SAMD12: variants seen among roughly 807,000 people sequenced by gnomAD.
SAMD12 encodes sterile alpha motif domain-containing protein 12.
A neutral mutation model predicts 15.0 loss-of-function variants in SAMD12; 9 were observed. The ratio of observed to expected loss-of-function variants is 0.60; its 90% CI spans 0.36 to 1.05. The LOEUF (loss-of-function observed/expected upper bound fraction) is 1.05, where lower values mean the gene tolerates loss of function less well. SAMD12 is among the 50% of genes least tolerant of loss of function. The probability of loss-of-function intolerance (pLI) is 0.01; values close to 1 mark genes in which losing one functional copy is unlikely to be tolerated. For synonymous variants in SAMD12, 86 were observed against 90.1 expected (o/e 0.96, Z 0.25); for missense variants, 230 against 234.2 (o/e 0.98, Z 0.12).
chr8:118,580,610 C>T (rs1298153216), intron 2 of SAMD12, 105 bp downstream of exon 2: 1 of 745,822 alleles, frequency 1.3e-6, no homozygotes, highest in Non-Finnish European at 2.3e-6. Flanking sequence ...ACCACAGATA[C>T]AATGGTAATT....
chr8:118,161,708 ATT>A, the SAMD12 span, among the ~76,000 whole-genome samples: 1 of 66,786 alleles, frequency 1.5e-5, no homozygotes, highest in South Asian at 3.5e-4. Flanking sequence ...ATAATAAATT[ATT>A]TATTATTATT....
At chr8:118,177,737 A>G in the SAMD12 span, among the ~76,000 whole-genome samples, 790 of 103,110 alleles carry the variant, frequency 7.7e-3, 8 homozygotes, top group Middle Eastern at 0.09. Context: ...AACATAAAAT[A>G]AAAAAACAAC....
At chr8:118,323,673 G>A (rs11779450) in intron 4 of SAMD12, among the ~76,000 whole-genome samples, 14,027 of 152,182 alleles carry the variant, frequency 0.092, 844 homozygotes, top group Non-Finnish European at 0.12. Context: ...AGAGGCTGAG[G>A]TGGGAGGATC....
At position 118,621,885 on chromosome 8, in the gene SAMD12, C is replaced by A; in HGVS notation, c.-69G>T. On this transcript the variant is annotated 5_prime_UTR_variant, in exon 1 of 4. Transcript: ENST00000314727. ...GGTACTCCTCCTGCCCCGCGCTCCCCCCTTCCTCTCGCTTTCGCCTAAATA... is the reference window on the plus strand; with the variant it reads ...GGTACTCCTCCTGCCCCGCGCTCCCACCTTCCTCTCGCTTTCGCCTAAATA... The A allele has an allele frequency of 1.3e-6, 2 of 1,533,380 alleles. No individual in the cohort carries two copies. The highest frequency in any genetic ancestry group is 1.8e-6 in the Non-Finnish European group (2 of 1,106,446). The allele number at this position is 1,533,380 out of a possible 1,614,324, so 95.0% of individuals were successfully genotyped here.
rs747771378 is a variant in SAMD12, at chr8:118,379,522, C to T, written c.501G>A (p.Glu167=). The T allele has an allele frequency of 1.2e-6, 2 of 1,613,880 alleles. No individual in the cohort carries two copies. Among genetic ancestry groups the T allele is most frequent in the Non-Finnish European group, 1.7e-6 (2 of 1,179,826 alleles). Residue 167 remains glutamate (E), a synonymous_variant, in exon 4 of 4, where the codon GAG becomes GAA. Coordinates refer to ENST00000314727, the MANE Select transcript of SAMD12 (RefSeq NM_207506.3). ...LLLPDGWMDG[E]IRRKTTLLLG... is the part of the protein sequence containing the mutation. The stretch of plus-strand genomic sequence containing the variant: ...ATAGTAAGGTGGTCTTTCTTCTAAT[C>T]TCCCCATCCATCCACCCATCAGGAA...
intron 3 of SAMD12, among the ~76,000 whole-genome samples, chr8:118,393,218 C>A (rs1186640822): frequency 2.8e-5 from 2 of 72,424 alleles, no homozygotes; most frequent in Non-Finnish European, 5.7e-5. Context: ...ACAAGGATTT[C>A]TTTTCTCTTT....
intron 3 of SAMD12, among the ~76,000 whole-genome samples, chr8:118,383,648 A>G (rs368620747): frequency 3.9e-5 from 6 of 152,236 alleles, no homozygotes; most frequent in African/African-American, 9.6e-5. Context: ...AACAAGAAGC[A>G]CCAACTGAAT....
the SAMD12 span, among the ~76,000 whole-genome samples, chr8:118,143,088 T>C: frequency 2.6e-5 from 4 of 152,174 alleles, no homozygotes; most frequent in African/African-American, 9.7e-5. Context: ...AACACAACTT[T>C]TTTTTTAAAG....
chr8:118,318,310 GTATATATATA>G (rs55959055), intron 4 of SAMD12, among the ~76,000 whole-genome samples: 5,268 of 113,004 alleles, frequency 0.047, 218 homozygotes, highest in East Asian at 0.19. Context: ...AGATATATGT[GTATATATATA>G]TATATATATA....
At chr8:118,275,077 G>C (rs1586409958) in intron 4 of SAMD12, among the ~76,000 whole-genome samples, 1 of 152,134 alleles carries the variant, frequency 6.6e-6, no homozygotes, top group Non-Finnish European at 1.5e-5. Flanking sequence ...TCACCATTGA[G>C]AGTGATGTTT....
intron 4 of SAMD12, among the ~76,000 whole-genome samples, chr8:118,372,544 T>C (rs1819159574): frequency 6.6e-6 from 1 of 152,008 alleles, no homozygotes; most frequent in South Asian, 2.1e-4. Context: ...TCTTATGAGG[T>C]CAAACATACA....
intron 3 of SAMD12, among the ~76,000 whole-genome samples, chr8:118,384,472 A>T (rs1006842186): frequency 1.3e-5 from 2 of 152,252 alleles, no homozygotes; most frequent in Middle Eastern, 3.4e-3. Flanking sequence ...GGCAGGGAAG[A>T]AGTAATAAGA....
chr8:118,195,608 C>T (rs2514981), exon 5 of SAMD12: 82,522 of 152,128 alleles, frequency 0.54, 23,541 homozygotes, highest in Non-Finnish European at 0.63. Context: ...CGTCTGCTGC[C>T]ATGTTCTTCT....
At chr8:118,257,335 A>AC (rs1470424517) in intron 4 of SAMD12, among the ~76,000 whole-genome samples, 17 of 152,124 alleles carry the variant, frequency 1.1e-4, no homozygotes, top group Non-Finnish European at 2.2e-4. Flanking sequence ...CAGCCCATTA[A>AC]CCAGTGACCT....
intron 4 of SAMD12, among the ~76,000 whole-genome samples, chr8:118,269,721 C>G (rs1813299463): frequency 6.6e-6 from 1 of 152,106 alleles, no homozygotes; most frequent in Non-Finnish European, 1.5e-5. Flanking sequence ...TTTATTGACC[C>G]CAATACTCTG....
chr8:118,594,773 GC>G (rs1401588905), intron 1 of SAMD12, among the ~76,000 whole-genome samples: 2 of 151,714 alleles, frequency 1.3e-5, no homozygotes. Flanking sequence ...GAGAAACTTA[GC>G]CCATGTGGTT....
At chr8:118,494,691 C>T (rs1052945779) in intron 2 of SAMD12, among the ~76,000 whole-genome samples, 1 of 141,520 alleles carries the variant, frequency 7.1e-6, no homozygotes, top group Non-Finnish European at 1.6e-5. Flanking sequence ...CCTAGTTTCT[C>T]AAGGAGTTAG....
intron 2 of SAMD12, among the ~76,000 whole-genome samples, chr8:118,556,105 G>T (rs955912845): frequency 6.6e-6 from 1 of 152,148 alleles, no homozygotes; most frequent in Non-Finnish European, 1.5e-5. Context: ...CAAAGGTCTG[G>T]AATTTACATT....
chr8:118,368,859 TA>T (rs1156483430), intron 4 of SAMD12, among the ~76,000 whole-genome samples: 1 of 152,168 alleles, frequency 6.6e-6, no homozygotes, highest in Admixed American at 6.5e-5. Flanking sequence ...GACAAAGCAC[TA>T]CCTTGCTTTT....
Sources: gnomAD v4.1 joint callset for allele counts (sites outside exome capture counted in the v4.1 genomes callset) on GRCh38, gnomAD v4.1.1 for gene constraint, MANE v1.5 for transcripts, NCBI Gene and HGNC (gene_info 2026-07-23, HGNC 2026-07-21) for gene names.